SLC7A9: variants seen among roughly 807,000 people sequenced by gnomAD.
SLC7A9 encodes the protein B(0,+)-type amino acid transporter 1.
Under a neutral mutation model 54.1 loss-of-function variants are expected in SLC7A9, and 38 were observed. That is an observed-to-expected ratio of 0.70 (90% CI 0.54 to 0.92). The LOEUF (loss-of-function observed/expected upper bound fraction) is 0.92, where lower values mean the gene tolerates loss of function less well. Ranked by LOEUF, SLC7A9 falls within the 40% of genes least tolerant of loss-of-function variation. The pLI, the probability that SLC7A9 is intolerant of heterozygous loss-of-function variation, is 0.00. For missense variants in SLC7A9, 537 were observed against 636.1 expected (o/e 0.84, Z 1.68); for synonymous variants, 264 against 258.9 (o/e 1.02, Z -0.19).
At chr19:32,837,045 A>T (rs1967977838) in intron 11 of SLC7A9, among the ~76,000 whole-genome samples, 1 of 149,592 alleles carries the variant, frequency 6.7e-6, no homozygotes, top group Non-Finnish European at 1.5e-5. Context: ...CCGTTTATTC[A>T]TATAATGATA....
intron 11 of SLC7A9, among the ~76,000 whole-genome samples, chr19:32,838,800 C>CAT (rs891416638): frequency 6.9e-6 from 1 of 145,388 alleles, no homozygotes. Flanking sequence ...CAAATATATA[C>CAT]ATATATATCT....
intron 12 of SLC7A9, chr19:32,832,762 A>T: frequency 4.2e-6 from 1 of 238,348 alleles, no homozygotes; most frequent in South Asian, 6.1e-5. Flanking sequence ...AAGTAAAAAA[A>T]ATAGCCAGGT....
At chr19:32,841,715 C>T (rs767586992) in intron 11 of SLC7A9, among the ~76,000 whole-genome samples, 27 of 152,122 alleles carry the variant, frequency 1.8e-4, no homozygotes, top group Admixed American at 1.4e-3. Context: ...GAGACCAGCC[C>T]GGCCAACATG....
At position 32,842,267 on chromosome 19, in the gene SLC7A9, G is replaced by T. The variant is rs1297546016; in HGVS notation, c.1125C>A (p.Val375=). 1 of 1,613,864 alleles carries T rather than the reference G, an allele frequency of 6.2e-7. No individual in the cohort carries two copies. Among genetic ancestry groups the T allele is most frequent in the Non-Finnish European group, 8.5e-7 (1 of 1,179,772 alleles). ...GCCATGCGGCAAAGCTGAAATAATT[G>T]ACTAACGAGTTTATGTCACCAGGGA... ...YIIPGDINSL[V]NYFSFAAWLF... Residue 375 remains valine (V), a synonymous_variant, in exon 11 of 13, where the codon GTC becomes GTA. Coordinates refer to ENST00000023064, the MANE Select transcript of SLC7A9 (RefSeq NM_014270.5).
intron 11 of SLC7A9, among the ~76,000 whole-genome samples, chr19:32,838,383 CTAAT>C (rs1214674796): frequency 6.7e-6 from 1 of 150,110 alleles, no homozygotes; most frequent in Non-Finnish European, 1.5e-5. Context: ...TATATTATAA[CTAAT>C]ATATTTTAAA....
chr19:32,848,191 A>G (rs995678429), intron 9 of SLC7A9, among the ~76,000 whole-genome samples: 1 of 152,258 alleles, frequency 6.6e-6, no homozygotes, highest in Admixed American at 6.5e-5. Flanking sequence ...TAACAATATT[A>G]ACTTTAAATG....
At chr19:32,862,772 AG>A in intron 4 of SLC7A9, 186 bp from the exon 5 acceptor site, 1 of 442,534 alleles carries the variant, frequency 2.3e-6, no homozygotes, top group Non-Finnish European at 3.7e-6. Flanking sequence ...CCCCGGTTCA[AG>A]CAATTCTCCT....
At chr19:32,848,853 T>C (rs187183970) in intron 9 of SLC7A9, among the ~76,000 whole-genome samples, 99 of 152,178 alleles carry the variant, frequency 6.5e-4, no homozygotes, top group African/African-American at 2.2e-3. Flanking sequence ...CACAGTGCAA[T>C]CAAACTAGAA....
At chr19:32,856,254 G>A (rs906551851) in intron 9 of SLC7A9, among the ~76,000 whole-genome samples, 78 of 151,570 alleles carry the variant, frequency 5.1e-4, no homozygotes, top group Non-Finnish European at 3.7e-4. Context: ...GAGTGCAGTG[G>A]CGTGATCTTG....
rs532252805 is a variant in SLC7A9, at chr19:32,842,574, T to A, written c.1075-257A>T. Among the ~76,000 whole-genome samples, 7 of 150,330 alleles carry A rather than the reference T, an allele frequency of 4.7e-5. No individual in the cohort carries two copies. The South Asian group carries it at 1.5e-3, about 32-fold the overall frequency. On this transcript the variant is annotated intron_variant, in intron 10 of 12. Transcript: ENST00000023064. Reference sequence around the variant, plus strand: ...GCAAGGGAAAAATAAAATATTAGGTTGGTGCAAAAGTAACTGTGGGTTTTT... The same window carrying A: ...GCAAGGGAAAAATAAAATATTAGGTAGGTGCAAAAGTAACTGTGGGTTTTT...
chr19:32,862,670 T>TTA, intron 4 of SLC7A9, 84 bp from the exon 5 acceptor site: 10 of 1,015,956 alleles, frequency 9.8e-6, no homozygotes, highest in African/African-American at 2.0e-5. Context: ...TATTTTTTAT[T>TTA]TTTTTTTTTT....
intron 9 of SLC7A9, among the ~76,000 whole-genome samples, chr19:32,853,205 C>T (rs549379255): frequency 6.6e-6 from 1 of 152,288 alleles, no homozygotes; most frequent in South Asian, 2.1e-4. Flanking sequence ...GCCACCACGC[C>T]TGGCCCATGT....
At chr19:32,840,614 ACCC>A (rs749292081) in intron 11 of SLC7A9, among the ~76,000 whole-genome samples, 1 of 151,744 alleles carries the variant, frequency 6.6e-6, no homozygotes, top group Non-Finnish European at 1.5e-5. Context: ...CAGCTCCTTG[ACCC>A]TGATATTCTT....
intron 9 of SLC7A9, among the ~76,000 whole-genome samples, chr19:32,852,905 C>CT (rs56119122): frequency 0.019 from 1,898 of 97,490 alleles, 26 homozygotes; most frequent in Non-Finnish European, 0.024. Flanking sequence ...AAGCTATAAA[C>CT]TTTTTTTTTT....
intron 2 of SLC7A9, 26 bp from the exon 3 acceptor site, chr19:32,864,802 G>A (rs376562201): frequency 3.0e-5 from 48 of 1,613,758 alleles, no homozygotes; most frequent in South Asian, 5.5e-5. Context: ...GGAAGAGGGC[G>A]TTAGTGCCAC....
intron 9 of SLC7A9, among the ~76,000 whole-genome samples, chr19:32,855,525 C>T (rs989575260): frequency 1.3e-5 from 2 of 152,056 alleles, no homozygotes; most frequent in African/African-American, 2.4e-5. Context: ...CGGTGAAACC[C>T]CATCTCTACT....
Position 32,859,865 on chromosome 19 carries a change from G to A in SLC7A9, c.849C>T (p.Leu283=). The change falls in exon 8 of 13, where the codon CTC becomes CTT. Residue 283 remains leucine, a synonymous_variant. Coordinates refer to ENST00000023064, the MANE Select transcript of SLC7A9 (RefSeq NM_014270.5). The part of the protein sequence containing the change: ...SYFTVMTATE[L]LQSQAVAVTF... Reference sequence around the variant, plus strand: ...CCACAGCCACCGCCTGGGACTGCAGGAGTTCGGTGGCAGTCATCACGGTGA... The same window carrying A: ...CCACAGCCACCGCCTGGGACTGCAGAAGTTCGGTGGCAGTCATCACGGTGA... 1.2e-6 allele frequency: 2 copies of A among 1,614,124 alleles called. No homozygotes were observed. The highest frequency in any genetic ancestry group is 1.7e-6 in the Non-Finnish European group (2 of 1,179,948).
At chr19:32,869,336 C>T (rs746839385) in intron 1 of SLC7A9, among the ~76,000 whole-genome samples, 1 of 152,140 alleles carries the variant, frequency 6.6e-6, no homozygotes, top group Non-Finnish European at 1.5e-5. Flanking sequence ...ATTAAAGGCA[C>T]TCCCATACAT....
At chr19:32,832,604 AG>A (rs141420537) in intron 12 of SLC7A9, among the ~76,000 whole-genome samples, 16,700 of 131,514 alleles carry the variant, frequency 0.13, 1,366 homozygotes, top group East Asian at 0.28. Context: ...AAAAAAAAAA[AG>A]AAAGAAAGAA....
Sources: allele counts gnomAD v4.1 joint callset (sites outside exome capture counted in the v4.1 genomes callset), GRCh38; gene constraint gnomAD v4.1.1; transcripts MANE v1.5; gene names NCBI Gene and HGNC (gene_info 2026-07-23, HGNC 2026-07-21).